GLT1D1: variants seen among roughly 807,000 people sequenced by gnomAD.
GLT1D1 encodes the protein glycosyltransferase 1 domain containing 1, also known as glycosyltransferase 1 domain-containing protein 1.
A neutral mutation model predicts 28.7 loss-of-function variants in GLT1D1; 21 were observed. The observed-to-expected ratio is 0.73, with a 90% confidence interval of 0.52 to 1.05. GLT1D1 has a LOEUF of 1.05. Ranked by LOEUF, GLT1D1 falls within the 50% of genes least tolerant of loss-of-function variation. GLT1D1 has a pLI of 0.00. For missense variants in GLT1D1, 343 were observed against 330.6 expected (o/e 1.04, Z -0.29); for synonymous variants, 147 against 124.8 (o/e 1.18, Z -1.19).
intron 2 of GLT1D1, among the ~76,000 whole-genome samples, chr12:128,887,486 T>G (rs967300675): frequency 8.7e-6 from 1 of 115,050 alleles, no homozygotes; most frequent in African/African-American, 2.9e-5. Flanking sequence ...CCAGTCTTTC[T>G]ATGTGAGTAC....
rs61498838 is a variant in GLT1D1, at chr12:128,946,635, CTTTTTTTTT to C, written c.420-680_420-672del. ...GGCGTGAGCCACTGCGCCCGGCCTCCTTTTTTTTTTTTTTTTTTTTTTTTTTTTTTTGAG... is the reference window on the plus strand; with the variant it reads ...GGCGTGAGCCACTGCGCCCGGCCTCCTTTTTTTTTTTTTTTTTTTTTTGAG... On this transcript the variant is annotated intron_variant, in intron 5 of 7. Transcript: ENST00000281703. Among the ~76,000 whole-genome samples, 76 of 64,224 alleles carry C rather than the reference CTTTTTTTTT, an allele frequency of 1.2e-3. 4 individuals carry two copies. The highest frequency in any genetic ancestry group is 0.011 in the South Asian group (18 of 1,704). 42.1% of individuals were successfully genotyped at this position (64,224 alleles called of 152,430 possible).
At chr12:128,884,532 G>C (rs1430830580) in intron 2 of GLT1D1, among the ~76,000 whole-genome samples, 1 of 152,088 alleles carries the variant, frequency 6.6e-6, no homozygotes, top group Non-Finnish European at 1.5e-5. Context: ...GCTAAGAGAG[G>C]GGCCAGGCAT....
chr12:128,927,064 C>T, intron 4 of GLT1D1, 41 bp from the exon 8 acceptor site: 2 of 1,458,150 alleles, frequency 1.4e-6, no homozygotes, highest in Middle Eastern at 1.7e-4. Context: ...GTGACTTAAA[C>T]CCATTTGAAG....
intron 4 of GLT1D1, 55 bp downstream of exon 5, chr12:128,912,515 T>A: frequency 1.2e-6 from 1 of 840,672 alleles, no homozygotes; most frequent in Non-Finnish European, 1.8e-6. Flanking sequence ...AATGAATATA[T>A]CAAAATAGAT....
intron 4 of GLT1D1, among the ~76,000 whole-genome samples, chr12:128,914,604 G>T (rs1871900465): frequency 6.6e-6 from 1 of 152,048 alleles, no homozygotes; most frequent in African/African-American, 2.4e-5. Flanking sequence ...AGGATCACTT[G>T]AAGTCAGGAG....
intron 1 of GLT1D1, chr12:128,864,121 C>T (rs715805): frequency 0.23 from 152,915 of 665,984 alleles, 19,997 homozygotes; most frequent in South Asian, 0.45. Flanking sequence ...GATGCCAGCT[C>T]GGCTGGGGCA....
At chr12:128,954,420 G>A (rs1244358338) in intron 6 of GLT1D1, among the ~76,000 whole-genome samples, 1 of 151,886 alleles carries the variant, frequency 6.6e-6, no homozygotes, top group African/African-American at 2.4e-5. Flanking sequence ...GTGAGCCACT[G>A]TGCCCAGGCT....
intron 3 of GLT1D1, among the ~76,000 whole-genome samples, chr12:128,895,041 A>G (rs56320787): frequency 0.32 from 48,839 of 151,664 alleles, 8,559 homozygotes; most frequent in Admixed American, 0.41. Flanking sequence ...TGCTCTCATC[A>G]TTCATCGTTT....
Position 128,983,157 on chromosome 12 carries a change from T to C in GLT1D1, c.*67T>C. 1 of 1,475,814 alleles carries C rather than the reference T, an allele frequency of 6.8e-7. No homozygotes were observed. Among genetic ancestry groups the C allele is most frequent in the African/African-American group, 1.4e-5 (1 of 71,828 alleles). 91.4% of individuals were successfully genotyped at this position (1,475,814 alleles called of 1,614,324 possible). A position where few individuals can be genotyped will look rare whatever the true frequency, so the allele number is the denominator to read the frequency against. On this transcript the variant is annotated 3_prime_UTR_variant, in exon 8 of 8. Transcript: ENST00000281703. The surrounding 1 kb of genome is among the most constrained non-coding windows in gnomAD (Gnocchi z 4.7). ...CTGGGTGCACACTCAGAGACAGAGT[T>C]CTGGATCACGTGGGCCCAGTGCAGT... is the stretch of plus-strand genomic sequence containing the variant.
chr12:128,901,528 C>T (rs772617261), intron 4 of GLT1D1, among the ~76,000 whole-genome samples: 2 of 151,936 alleles, frequency 1.3e-5, no homozygotes, highest in East Asian at 1.9e-4. Flanking sequence ...CCTCTGCCTC[C>T]CGGTTTCAAG....
intron 4 of GLT1D1, chr12:128,944,846 G>T (rs900051221): frequency 7.0e-6 from 2 of 285,602 alleles, no homozygotes; most frequent in Non-Finnish European, 1.3e-5. Context: ...TGTGCACAAT[G>T]TGCAGGTTTG....
chr12:128,969,896 G>A (rs1186316575), intron 7 of GLT1D1, among the ~76,000 whole-genome samples: 1 of 152,096 alleles, frequency 6.6e-6, no homozygotes, highest in African/African-American at 2.4e-5. Context: ...AGGAGTGTGA[G>A]CCCGCAGGCT....
At chr12:128,960,336 G>T (rs1049150312) in intron 7 of GLT1D1, among the ~76,000 whole-genome samples, 3 of 152,118 alleles carry the variant, frequency 2.0e-5, no homozygotes, top group Non-Finnish European at 2.9e-5. Context: ...CCTAGCATGG[G>T]GTAGGAGCTG....
chr12:128,956,548 C>A (rs1420195944), intron 6 of GLT1D1, among the ~76,000 whole-genome samples: 1 of 152,146 alleles, frequency 6.6e-6, no homozygotes, highest in Non-Finnish European at 1.5e-5. Flanking sequence ...TGGATTTGAT[C>A]GGGATCCACT....
At chr12:128,899,169 G>C in intron 3 of GLT1D1, 67 bp from the exon 4 acceptor site, 1 of 1,140,046 alleles carries the variant, frequency 8.8e-7, no homozygotes. Context: ...GTTCCAAAGA[G>C]CTGTTTCATA....
intron 4 of GLT1D1, among the ~76,000 whole-genome samples, chr12:128,909,763 A>T (rs189452803): frequency 7.2e-5 from 11 of 152,356 alleles, no homozygotes; most frequent in Admixed American, 5.9e-4. Flanking sequence ...CCATCTATTT[A>T]TAGGTATCTA....
intron 4 of GLT1D1, among the ~76,000 whole-genome samples, chr12:128,939,848 C>T: frequency 8.3e-6 from 1 of 120,804 alleles, no homozygotes; most frequent in South Asian, 2.8e-4. Flanking sequence ...CCCCCCCCCA[C>T]CGCCGATCCA....
intron 1 of GLT1D1, among the ~76,000 whole-genome samples, chr12:128,864,995 A>AC (rs1956479970): frequency 6.6e-6 from 1 of 152,158 alleles, no homozygotes; most frequent in African/African-American, 2.4e-5. Context: ...AGGTGTCACC[A>AC]CCCCAGCCCT....
rs1421143526 is a variant in GLT1D1 at position 128,947,467 on chromosome 12, G to A, written c.540+9G>A. The A allele has an allele frequency of 3.7e-6, 6 of 1,613,962 alleles. No homozygotes were observed. The African/African-American group carries it at 6.7e-5, about 18-fold the overall frequency. ...CAGCTGCAATTTTGGAGGTAATTATGTAACTCGAGTACTGAAAGTGGGAGT... is the reference window on the plus strand; with the variant it reads ...CAGCTGCAATTTTGGAGGTAATTATATAACTCGAGTACTGAAAGTGGGAGT... On this transcript the variant is annotated intron_variant, in intron 6 of 7. Transcript: ENST00000281703.
Sources: gnomAD v4.1 joint callset for allele counts (sites outside exome capture counted in the v4.1 genomes callset) on GRCh38, gnomAD v4.1.1 for gene constraint, Gnocchi (gnomAD v3.1) non-coding constraint, MANE v1.5 for transcripts, NCBI Gene and HGNC (gene_info 2026-07-23, HGNC 2026-07-21) for gene names.